Variants in MTUS2 observed in about 807,000 individuals in gnomAD.
MTUS2 encodes the protein microtubule associated scaffold protein 2.
A neutral mutation model predicts 114.1 loss-of-function variants in MTUS2; 40 were observed. The ratio of observed to expected loss-of-function variants is 0.35; its 90% CI spans 0.27 to 0.46. MTUS2 has a LOEUF of 0.46. Among genes scored for constraint, MTUS2 ranks in the 20% least tolerant of loss-of-function variants. The pLI, the probability that MTUS2 is intolerant of heterozygous loss-of-function variation, is 1.00. For missense variants in MTUS2, 1,679 were observed against 1,705.4 expected, an observed-to-expected ratio of 0.98 and a Z score of 0.27; for synonymous variants, 688 against 672.0, an observed-to-expected ratio of 1.02 and a Z score of -0.37.
chr13:29,458,387 TA>T (rs1296693248), intron 9 of MTUS2, among the ~76,000 whole-genome samples: 4 of 152,244 alleles, frequency 2.6e-5, no homozygotes, highest in Admixed American at 6.5e-5. Context: ...CTGTTCCGCA[TA>T]AAAGTATTCT....
chr13:29,489,632 A>G (rs1236143893), intron 11 of MTUS2: 2 of 152,210 alleles, frequency 1.3e-5, no homozygotes, highest in Admixed American at 6.5e-5. Flanking sequence ...TACCTCTGAT[A>G]TTCCAATTTA....
chr13:29,332,633 C>CTT (rs58161086), intron 7 of MTUS2, among the ~76,000 whole-genome samples: 2 of 113,680 alleles, frequency 1.8e-5, no homozygotes, highest in Non-Finnish European at 1.8e-5. Flanking sequence ...TTCTCTAATT[C>CTT]TTTTTTTTTT....
At chr13:29,234,728 A>ACCCTCC (rs11281302) in intron 5 of MTUS2, among the ~76,000 whole-genome samples, 1 of 151,634 alleles carries the variant, frequency 6.6e-6, no homozygotes, top group Non-Finnish European at 1.5e-5. Context: ...TATAGCATTT[A>ACCCTCC]GGTGGTACAC....
chr13:29,326,230 C>T (rs1031611079), intron 7 of MTUS2, among the ~76,000 whole-genome samples: 1 of 152,136 alleles, frequency 6.6e-6, no homozygotes, highest in Non-Finnish European at 1.5e-5. Flanking sequence ...AACCTTTGAC[C>T]ACAAGCCAGC....
intron 2 of MTUS2, among the ~76,000 whole-genome samples, chr13:28,886,765 C>A (rs567988551): frequency 2.6e-5 from 4 of 152,184 alleles, no homozygotes; most frequent in African/African-American, 7.2e-5. Context: ...CACAGACTTA[C>A]AAAGTACACG....
chr13:29,026,471 C>G lies in MTUS2; in HGVS notation c.1773C>G (p.Asn591Lys). ...LNTSPKVPDKNTCPSGIPKPV... is the reference protein window; with the variant it reads ...LNTSPKVPDKKTCPSGIPKPV... ...CGTCCCCCAAAGTGCCTGACAAGAA[C>G]ACTTGCCCCAGTGGGATCCCCAAGC... The change falls in exon 3 of 16, where the codon AAC (asparagine) becomes AAG (lysine). Residue 591 changes from asparagine to lysine, a missense_variant. This residue lies in a region of MTUS2 where 843 missense variants were observed against 770.8 expected (regional missense o/e 1.09). Coordinates refer to ENST00000612955, the MANE Select transcript of MTUS2 (RefSeq NM_001033602.4). 1 of 1,613,976 alleles carries G rather than the reference C, an allele frequency of 6.2e-7. No individual in the cohort carries two copies. Among genetic ancestry groups the G allele is most frequent in the Non-Finnish European group, 8.5e-7 (1 of 1,179,876 alleles).
intron 7 of MTUS2, among the ~76,000 whole-genome samples, chr13:29,338,744 A>G (rs1033866894): frequency 6.6e-6 from 1 of 152,198 alleles, no homozygotes; most frequent in Non-Finnish European, 1.5e-5. Flanking sequence ...ACTGATTTCT[A>G]TAATTTTTTT....
intron 5 of MTUS2, among the ~76,000 whole-genome samples, chr13:29,250,731 A>G (rs1285567102): frequency 6.6e-6 from 1 of 152,178 alleles, no homozygotes; most frequent in Non-Finnish European, 1.5e-5. Context: ...GTGTTGTCAC[A>G]TCTAGTCTCT....
intron 5 of MTUS2, among the ~76,000 whole-genome samples, chr13:29,115,092 T>C (rs905871535): frequency 2.0e-5 from 3 of 152,204 alleles, no homozygotes; most frequent in Non-Finnish European, 4.4e-5. Flanking sequence ...AAATGAAATG[T>C]AGATTTTTTT....
intron 5 of MTUS2, among the ~76,000 whole-genome samples, chr13:29,221,037 A>G (rs1466245500): frequency 6.6e-6 from 1 of 151,842 alleles, no homozygotes; most frequent in African/African-American, 2.4e-5. Context: ...ATCCCTCTAC[A>G]TCGTTCTCTC....
intron 8 of MTUS2, among the ~76,000 whole-genome samples, chr13:29,420,605 ATTGT>A (rs1221276795): frequency 5.9e-5 from 9 of 152,182 alleles, no homozygotes; most frequent in African/African-American, 1.9e-4. Context: ...CAAGAGTCAC[ATTGT>A]TTGTTGACTG....
At chr13:29,147,554 C>A (rs952694472) in intron 5 of MTUS2, among the ~76,000 whole-genome samples, 5 of 152,002 alleles carry the variant, frequency 3.3e-5, no homozygotes, top group African/African-American at 1.2e-4. Flanking sequence ...AAGTTTAGTA[C>A]CCAATAGGTA....
At position 29,425,825 on chromosome 13, in the gene MTUS2, C is replaced by T. The variant is rs751614891; in HGVS notation, c.3118-14158C>T. On this transcript the variant is annotated intron_variant, in intron 8 of 15. Transcript: ENST00000612955. ...GCCGTGCCCTTCAGTGCCCTCTGTG[C>T]CCAAGAAGAGAAGCTGAAAATGGCC... 9.4e-4 allele frequency among the ~76,000 whole-genome samples: 143 copies of T among 152,258 alleles called. 1 individual carries two copies. The highest frequency in any genetic ancestry group is 9.6e-4 in the East Asian group (5 of 5,182).
intron 8 of MTUS2, among the ~76,000 whole-genome samples, chr13:29,411,553 G>A (rs932543503): frequency 3.9e-5 from 6 of 152,104 alleles, no homozygotes; most frequent in Admixed American, 1.3e-4. Context: ...ATTCTTGCAC[G>A]CATGTTGCTT....
chr13:29,040,724 A>C (rs985106165), intron 4 of MTUS2, among the ~76,000 whole-genome samples: 2 of 152,020 alleles, frequency 1.3e-5, no homozygotes, highest in Admixed American at 6.6e-5. Flanking sequence ...AATGATGATC[A>C]TTTTTTCATA....
At chr13:29,212,856 C>T (rs538454235) in intron 5 of MTUS2, among the ~76,000 whole-genome samples, 2 of 152,044 alleles carry the variant, frequency 1.3e-5, no homozygotes, top group African/African-American at 2.4e-5. Flanking sequence ...TATAAGGCTC[C>T]GTCACATAGG....
chr13:29,466,593 A>G (rs1879902501), intron 9 of MTUS2, among the ~76,000 whole-genome samples: 1 of 152,158 alleles, frequency 6.6e-6, no homozygotes, highest in Non-Finnish European at 1.5e-5. Flanking sequence ...AGACAATCAT[A>G]CGGCCAGGTG....
At chr13:28,944,401 G>A (rs1882409332) in intron 2 of MTUS2, among the ~76,000 whole-genome samples, 1 of 151,880 alleles carries the variant, frequency 6.6e-6, no homozygotes, top group Admixed American at 6.6e-5. Context: ...GTATAAAATG[G>A]TGTCAGGGTA....
intron 7 of MTUS2, among the ~76,000 whole-genome samples, chr13:29,337,461 C>T (rs1566139190): frequency 6.6e-6 from 1 of 152,210 alleles, no homozygotes; most frequent in African/African-American, 2.4e-5. Context: ...TTGTCTCACC[C>T]TCCATGGGCT....
Sources: gnomAD v4.1 joint callset for allele counts (sites outside exome capture counted in the v4.1 genomes callset) on GRCh38, gnomAD v4.1.1 for gene constraint, gnomAD v4.1.1 regional missense constraint, MANE v1.5 for transcripts, NCBI Gene and HGNC (gene_info 2026-07-23, HGNC 2026-07-21) for gene names.